CACNG7: variants seen among roughly 807,000 people sequenced by gnomAD.
CACNG7 encodes voltage-dependent calcium channel gamma-7 subunit.
CACNG7 carries 9 observed loss-of-function variants against 26.3 expected under a neutral mutation model. The ratio of observed to expected loss-of-function variants is 0.34; its 90% confidence interval spans 0.21 to 0.60. CACNG7 has a LOEUF of 0.60. CACNG7 is among the 20% of genes least tolerant of loss of function. The pLI, the probability that CACNG7 is intolerant of heterozygous loss-of-function variation, is 0.81. For synonymous variants in CACNG7, 170 were observed against 157.0 expected (o/e 1.08, Z -0.62); for missense variants, 297 against 380.4 (o/e 0.78, Z 1.82).
At chr19:53,928,537 A>T (rs1353954268) in intron 4 of CACNG7, among the ~76,000 whole-genome samples, 1 of 152,004 alleles carries the variant, frequency 6.6e-6, no homozygotes, top group Non-Finnish European at 1.5e-5. Flanking sequence ...AGCCTCCCAA[A>T]GTGCTGAGAT....
intron 4 of CACNG7, among the ~76,000 whole-genome samples, chr19:53,934,372 G>A (rs922924583): frequency 2.7e-4 from 41 of 152,178 alleles, no homozygotes; most frequent in African/African-American, 8.0e-4. Flanking sequence ...TTACTCCAGG[G>A]AGCAAATAAT....
chr19:53,910,364 G>C lies in CACNG7; in HGVS notation c.-30+847G>C, dbSNP rs575500137. The stretch of plus-strand genomic sequence containing the variant: ...GATCTCGGAGGCCTCCAAGAGGTTG[G>C]GGGGGAAGGAGGGGGGATCTGGAGG... On this transcript the variant is annotated intron_variant, in intron 1 of 5. Coordinates refer to ENST00000391767, the MANE Select transcript of CACNG7 (RefSeq NM_031896.5). 5.1e-4 allele frequency among the ~76,000 whole-genome samples: 77 copies of C among 152,058 alleles called. 1 individual carries two copies. Among genetic ancestry groups the C allele is most frequent in the East Asian group, 2.5e-3 (13 of 5,140 alleles).
chr19:53,942,114 T>C lies in CACNG7; in HGVS notation c.649T>C (p.Tyr217His), dbSNP rs147620570. 6 of 1,613,874 alleles carry C rather than the reference T, an allele frequency of 3.7e-6. No homozygotes were observed. In the African/African-American group the frequency reaches 5.3e-5, roughly 14 times the overall value. The change falls in exon 6 of 6, where the codon TAC (tyrosine) becomes CAC (histidine). Residue 217 changes from tyrosine (Y) to histidine (H), a missense_variant. Coordinates refer to ENST00000391767, the MANE Select transcript of CACNG7 (RefSeq NM_031896.5). The surrounding 1 kb of genome is among the most constrained non-coding windows in gnomAD (Gnocchi z 5.9). The stretch of plus-strand genomic sequence containing the variant: ...GATGTACCGTCCACACCCGGCCTTC[T>C]ACCGCCCGCGTCTCAGCGACTGCTC... ...EEMYRPHPAF[Y>H]RPRLSDCSDY... is the part of the protein sequence containing the mutation.
At chr19:53,930,136 C>A (rs2069061321) in intron 4 of CACNG7, among the ~76,000 whole-genome samples, 1 of 148,208 alleles carries the variant, frequency 6.7e-6, no homozygotes, top group African/African-American at 2.5e-5. Context: ...ATTATATTAT[C>A]CCACCCACCT....
intron 4 of CACNG7, among the ~76,000 whole-genome samples, chr19:53,936,874 G>A (rs2069108281): frequency 6.6e-6 from 1 of 152,006 alleles, no homozygotes; most frequent in Non-Finnish European, 1.5e-5. Context: ...CTCCCAAAAT[G>A]CAGAGATTAT....
intron 1 of CACNG7, among the ~76,000 whole-genome samples, chr19:53,910,572 G>A (rs966749483): frequency 2.0e-5 from 3 of 152,142 alleles, no homozygotes; most frequent in Admixed American, 6.5e-5. Context: ...AAAAGATCCC[G>A]GGTATTCAGG....
chr19:53,919,347 A>G (rs1211819005), intron 4 of CACNG7, among the ~76,000 whole-genome samples: 1 of 150,570 alleles, frequency 6.6e-6, no homozygotes, highest in African/African-American at 2.4e-5. Context: ...GGAGTTGCCC[A>G]GGTCTGGTCA....
At chr19:53,924,714 TTCTGGTATTGGTGGAGTTGCCCCAGG>T (rs2069008568) in intron 4 of CACNG7, among the ~76,000 whole-genome samples, 1 of 84,962 alleles carries the variant, frequency 1.2e-5, no homozygotes, top group Admixed American at 1.2e-4. Flanking sequence ...GTTGCCCCAG[TTCTGGTATTGGTGGAGTTGCCCCAGG>T]TCTGGTCATT....
intron 2 of CACNG7, among the ~76,000 whole-genome samples, chr19:53,913,348 G>A (rs1185960405): frequency 2.6e-5 from 4 of 151,916 alleles, no homozygotes; most frequent in South Asian, 2.1e-4. Context: ...TGGGACGGGC[G>A]CGGTGGCTCA....
intron 4 of CACNG7, among the ~76,000 whole-genome samples, chr19:53,925,484 G>GCTGGTCATTGGTGGACTTGCCACAGGT (rs2069021460): frequency 8.6e-6 from 1 of 116,684 alleles, no homozygotes; most frequent in Non-Finnish European, 1.7e-5. Flanking sequence ...GTTGCCCCAG[G>GCTGGTCATTGGTGGACTTGCCACAGGT]CTGGTCATTG....
At chr19:53,941,747 T>C in intron 5 of CACNG7, 132 bp downstream of exon 5, 3 of 1,183,172 alleles carry the variant, frequency 2.5e-6, no homozygotes, top group Non-Finnish European at 3.6e-6. Context: ...TAGCTGAGGG[T>C]CTAACCCCTG....
At chr19:53,923,853 C>T (rs1211095437) in intron 4 of CACNG7, among the ~76,000 whole-genome samples, 1 of 114,198 alleles carries the variant, frequency 8.8e-6, no homozygotes, top group South Asian at 2.9e-4. Flanking sequence ...TGCCCCAGGC[C>T]TGGTCATTGG....
intron 4 of CACNG7, among the ~76,000 whole-genome samples, chr19:53,925,971 T>C (rs1420157241): frequency 2.0e-5 from 3 of 152,194 alleles, no homozygotes; most frequent in Admixed American, 2.0e-4. Context: ...AAGAGGCATG[T>C]GCATGCCTGT....
In CACNG7 at chr19:53,939,223, A is replaced by G. The variant is rs1260866501; in HGVS notation, c.425-2247A>G. Among the ~76,000 whole-genome samples the G allele has an allele frequency of 6.6e-6, 1 of 150,926 alleles. No homozygotes were observed. Among genetic ancestry groups the G allele is most frequent in the Non-Finnish European group, 1.5e-5 (1 of 67,766 alleles). On this transcript the variant is annotated intron_variant, in intron 4 of 5. Coordinates refer to ENST00000391767, the MANE Select transcript of CACNG7 (RefSeq NM_031896.5). This position sits in a 1 kb window ranked among gnomAD's most constrained non-coding sequence, Gnocchi z 4.2. ...CGGTGAGCCGAGATTGCACCACTAC[A>G]CTCCAGCCTAGGTGACAGAGCAAGA...
intron 4 of CACNG7, among the ~76,000 whole-genome samples, chr19:53,941,135 C>T (rs1479423168): frequency 6.6e-6 from 1 of 152,122 alleles, no homozygotes; most frequent in Non-Finnish European, 1.5e-5. Flanking sequence ...TTGCCCCTGC[C>T]CCAGGCAGGT....
At position 53,942,173 on chromosome 19, in the gene CACNG7, G is replaced by T; in HGVS notation, c.708G>T (p.Ala236=). The stretch of plus-strand genomic sequence containing the variant: ...CGGGCCAGTTCCTGCAGCCCGAGGC[G>T]TGGCGCCGCGGCCGGAGCCCCTCCG... ...DYSGQFLQPE[A]WRRGRSPSDI... is the part of the protein sequence containing the mutation. Residue 236 remains alanine (A), a synonymous_variant, in exon 6 of 6, where the codon GCG becomes GCT. Coordinates refer to ENST00000391767, the MANE Select transcript of CACNG7 (RefSeq NM_031896.5). This position sits in a 1 kb window ranked among gnomAD's most constrained non-coding sequence, Gnocchi z 5.9. The T allele has an allele frequency of 6.2e-7, 1 of 1,614,048 alleles. No homozygotes were observed.
At chr19:53,937,589 C>A (rs1282680705) in intron 4 of CACNG7, among the ~76,000 whole-genome samples, 1 of 140,662 alleles carries the variant, frequency 7.1e-6, no homozygotes, top group Non-Finnish European at 1.5e-5. Flanking sequence ...CTCCCCTCCC[C>A]TCCCCTCCCC....
intron 4 of CACNG7, among the ~76,000 whole-genome samples, chr19:53,925,510 G>GT (rs74201742): frequency 0.025 from 1,505 of 60,472 alleles, 2 homozygotes; most frequent in African/African-American, 0.055. Context: ...CTTGCCCCAG[G>GT]CTGGTCATTG....
At chr19:53,913,099 C>A in intron 2 of CACNG7, 72 bp downstream of exon 2, 1 of 1,357,200 alleles carries the variant, frequency 7.4e-7, no homozygotes, top group Non-Finnish European at 1.0e-6. Context: ...AGCCATAGTC[C>A]CATCCCTTGA....
Sources: allele counts gnomAD v4.1 joint callset (sites outside exome capture counted in the v4.1 genomes callset), GRCh38; gene constraint gnomAD v4.1.1; non-coding constraint Gnocchi (gnomAD v3.1); transcripts MANE v1.5; gene names NCBI Gene and HGNC (gene_info 2026-07-23, HGNC 2026-07-21).